The following MSRB3 variants were observed in gnomAD, a reference collection of about 807,000 sequenced individuals.
MSRB3 encodes the protein methionine-R-sulfoxide reductase B3.
MSRB3 carries 13 observed loss-of-function variants against 21.0 expected under a neutral mutation model. The ratio of observed to expected loss-of-function variants is 0.62; its 90% CI spans 0.40 to 0.98. The LOEUF (loss-of-function observed/expected upper bound fraction) is 0.98. Among genes scored for constraint, MSRB3 ranks in the 50% least tolerant of loss-of-function variants. MSRB3 has a pLI of 0.00. For synonymous variants in MSRB3, 87 were observed against 88.6 expected (o/e 0.98, Z 0.10); for missense variants, 199 against 230.3 (o/e 0.86, Z 0.88).
At chr12:65,387,329 T>C (rs897783139) in intron 5 of MSRB3, among the ~76,000 whole-genome samples, 6 of 152,090 alleles carry the variant, frequency 3.9e-5, no homozygotes, top group African/African-American at 1.2e-4. Flanking sequence ...GTATTTTTTT[T>C]CCCCCTTGGA....
rs1475038069 is a variant in MSRB3 at position 65,466,160 on chromosome 12, G to T, written c.*2838G>T. 1.3e-5 allele frequency: 2 copies of T among 152,064 alleles called. No individual in the cohort carries two copies. Among genetic ancestry groups the T allele is most frequent in the African/African-American group, 4.8e-5 (2 of 41,398 alleles). 9.4% of individuals were successfully genotyped at this position (152,064 alleles called of 1,614,324 possible). ...ATCCTTAGTCTTTGTTTCAAGGAAA[G>T]CCAGTTTTTCTTCTACCACATTTTC... is the stretch of plus-strand genomic sequence containing the variant. On this transcript the variant is annotated 3_prime_UTR_variant, in exon 7 of 7. Coordinates refer to ENST00000308259, the MANE Select transcript of MSRB3 (RefSeq NM_001031679.3).
intron 5 of MSRB3, among the ~76,000 whole-genome samples, chr12:65,428,018 G>T (rs1042430302): frequency 6.6e-6 from 1 of 152,220 alleles, no homozygotes. Context: ...GCACTTAGGG[G>T]ATTTGGAGAG....
chr12:65,298,966 T>C (rs962333336), intron 1 of MSRB3, among the ~76,000 whole-genome samples: 1 of 152,200 alleles, frequency 6.6e-6, no homozygotes. Flanking sequence ...AAATGGCCCA[T>C]TGAGGCACTG....
intron 5 of MSRB3, among the ~76,000 whole-genome samples, chr12:65,414,971 T>C (rs1880897493): frequency 6.6e-6 from 1 of 151,974 alleles, no homozygotes; most frequent in Non-Finnish European, 1.5e-5. Flanking sequence ...GAAGAGAAAA[T>C]TAGAGATAAA....
chr12:65,305,655 C>A (rs1049394977), intron 1 of MSRB3, among the ~76,000 whole-genome samples: 15 of 152,272 alleles, frequency 9.9e-5, no homozygotes, highest in African/African-American at 3.4e-4. Context: ...ATAGTATATA[C>A]CTCATGAGGT....
At chr12:65,456,121 C>T (rs1883080049) in intron 6 of MSRB3, among the ~76,000 whole-genome samples, 1 of 152,158 alleles carries the variant, frequency 6.6e-6, no homozygotes, top group Non-Finnish European at 1.5e-5. Context: ...GGATGGCTTA[C>T]ATTAATTTGT....
intron 6 of MSRB3, among the ~76,000 whole-genome samples, chr12:65,457,864 T>TATC (rs1883162242): frequency 6.6e-6 from 1 of 152,050 alleles, no homozygotes; most frequent in Non-Finnish European, 1.5e-5. Context: ...TTTATTTTAT[T>TATC]ATTATTATTA....
chr12:65,304,065 T>G (rs1439244655), intron 1 of MSRB3, among the ~76,000 whole-genome samples: 1 of 152,060 alleles, frequency 6.6e-6, no homozygotes, highest in Non-Finnish European at 1.5e-5. Flanking sequence ...ATCAGAAGGA[T>G]TTATCAGAAT....
intron 5 of MSRB3, among the ~76,000 whole-genome samples, chr12:65,426,861 T>A (rs913875564): frequency 1.3e-5 from 2 of 152,128 alleles, no homozygotes; most frequent in Admixed American, 1.3e-4. Flanking sequence ...ATTCCTTGTA[T>A]TTTTTGGCTC....
At chr12:65,389,369 G>A (rs1300530358) in intron 5 of MSRB3, among the ~76,000 whole-genome samples, 3 of 151,590 alleles carry the variant, frequency 2.0e-5, no homozygotes, top group African/African-American at 4.9e-5. Flanking sequence ...GGTCCCTCTT[G>A]CAGCTGCAAG....
chr12:65,313,611 A>C (rs1874118946), intron 2 of MSRB3, among the ~76,000 whole-genome samples: 1 of 152,104 alleles, frequency 6.6e-6, no homozygotes, highest in South Asian at 2.1e-4. Flanking sequence ...TAAAAGATGC[A>C]CATGAACCCA....
At chr12:65,304,303 A>G (rs73318437) in intron 1 of MSRB3, among the ~76,000 whole-genome samples, 3,962 of 152,230 alleles carry the variant, frequency 0.026, 181 homozygotes, top group African/African-American at 0.09. Context: ...TACAAGGGGG[A>G]ATCATCAAAA....
At chr12:65,317,868 G>A (rs1874401569) in intron 2 of MSRB3, among the ~76,000 whole-genome samples, 1 of 152,126 alleles carries the variant, frequency 6.6e-6, no homozygotes, top group Non-Finnish European at 1.5e-5. Flanking sequence ...TTAGAAAGAA[G>A]ATTTAAATAG....
At chr12:65,364,670 T>C (rs1000218606) in intron 4 of MSRB3, among the ~76,000 whole-genome samples, 10 of 152,214 alleles carry the variant, frequency 6.6e-5, no homozygotes, top group African/African-American at 2.4e-4. Context: ...ATATTCATCC[T>C]TATCCATATT....
In MSRB3 at chr12:65,368,933, C is replaced by T. The variant is rs537594204; in HGVS notation, c.264-65C>T. The T allele has an allele frequency of 1.0e-5, 7 of 683,414 alleles. 1 individual carries two copies. Among genetic ancestry groups the T allele is most frequent in the Admixed American group, 6.7e-5 (3 of 44,594 alleles). 42.3% of individuals were successfully genotyped at this position (683,414 alleles called of 1,614,324 possible). ...TCCCCTCCCAACCACACCCCCCCCC[C>T]CCATGAAATAATTGTTCTTTTACAA... On this transcript the variant is annotated intron_variant, in intron 4 of 6. Coordinates refer to ENST00000308259, the MANE Select transcript of MSRB3 (RefSeq NM_001031679.3).
rs1021997065 is a variant in MSRB3, at chr12:65,428,683, G to A, written c.293-25045G>A. On this transcript the variant is annotated intron_variant, in intron 5 of 6. Transcript: ENST00000308259. ...TTCCAAGGGCTTCTAATTGACTATG[G>A]GATGAAATATCCCTCCCTTTGCATG... 5.9e-5 allele frequency among the ~76,000 whole-genome samples: 9 copies of A among 152,136 alleles called. 2 individuals are homozygous for A. The highest frequency in any genetic ancestry group is 5.9e-4 in the Admixed American group (9 of 15,292).
intron 1 of MSRB3, among the ~76,000 whole-genome samples, chr12:65,294,749 AC>A (rs1872856939): frequency 6.7e-6 from 1 of 149,692 alleles, no homozygotes; most frequent in Non-Finnish European, 1.5e-5. Context: ...CACTCTTTGT[AC>A]TATAGTTTTA....
intron 5 of MSRB3, chr12:65,418,923 C>T: frequency 1.4e-6 from 1 of 718,698 alleles, no homozygotes; most frequent in South Asian, 1.5e-5. Context: ...TCAGCAGGGC[C>T]TCCTACTCCT....
At chr12:65,395,187 C>G (rs968176526) in intron 5 of MSRB3, among the ~76,000 whole-genome samples, 1 of 152,148 alleles carries the variant, frequency 6.6e-6, no homozygotes, top group African/African-American at 2.4e-5. Context: ...AAAATCCTGG[C>G]TGGGCATGGT....
Sources: allele counts gnomAD v4.1 joint callset (sites outside exome capture counted in the v4.1 genomes callset), GRCh38; gene constraint gnomAD v4.1.1; transcripts MANE v1.5; gene names NCBI Gene and HGNC (gene_info 2026-07-23, HGNC 2026-07-21).